MDM4: variants seen among roughly 807,000 people sequenced by gnomAD.
The protein encoded by MDM4 is protein Mdm4.
MDM4 carries 2 observed loss-of-function variants against 60.2 expected under a neutral mutation model. That is an observed-to-expected ratio of 0.03 (90% CI 0.01 to 0.10). The LOEUF (loss-of-function observed/expected upper bound fraction) is 0.10, where lower values mean the gene tolerates loss of function less well. Among genes scored for constraint, MDM4 ranks in the 10% least tolerant of loss-of-function variants. The pLI, the probability that MDM4 is intolerant of heterozygous loss-of-function variation, is 1.00. For synonymous variants in MDM4, 202 were observed against 198.1 expected (o/e 1.02, Z -0.17); for missense variants, 447 against 577.5 (o/e 0.77, Z 2.32).
chr1:204,536,902 T>A, intron 5 of MDM4: 1 of 391,152 alleles, frequency 2.6e-6, no homozygotes, highest in Non-Finnish European at 4.9e-6. Context: ...ACCATAAAAT[T>A]ATCCTTGACA....
In MDM4 at chr1:204,556,133, A is replaced by G. The variant is rs542913242; in HGVS notation, c.*6451A>G. 1.7e-4 allele frequency: 37 copies of G among 223,610 alleles called. No homozygotes were observed. The highest frequency in any genetic ancestry group is 8.2e-4 in the African/African-American group (37 of 44,902). The allele number at this position is 223,610 out of a possible 1,614,324, so 13.9% of individuals were successfully genotyped here. On this transcript the variant is annotated 3_prime_UTR_variant, in exon 11 of 11. Coordinates refer to ENST00000367182, the MANE Select transcript of MDM4 (RefSeq NM_002393.5). ...CCCTTCCACCTTTACTGTGTCATTT[A>G]TATCCCCTTAGTTCCAAAGTTAATT... is the stretch of plus-strand genomic sequence containing the variant.
At chr1:204,543,411 CCTT>C (rs1327477102) in intron 8 of MDM4, among the ~76,000 whole-genome samples, 2 of 152,212 alleles carry the variant, frequency 1.3e-5, no homozygotes, top group African/African-American at 4.8e-5. Flanking sequence ...TCAGCCCCCT[CCTT>C]CCTCACTTCC....
At chr1:204,522,990 G>A (rs1288328776) in intron 1 of MDM4, among the ~76,000 whole-genome samples, 1 of 151,526 alleles carries the variant, frequency 6.6e-6, no homozygotes, top group Non-Finnish European at 1.5e-5. Flanking sequence ...AGCCTCCTGA[G>A]TAGCTGGGAT....
chr1:204,520,369 CTGCTT>C (rs1412495019), intron 1 of MDM4, among the ~76,000 whole-genome samples: 1 of 104,124 alleles, frequency 9.6e-6, no homozygotes, highest in Non-Finnish European at 2.2e-5. Context: ...TGCAACATCC[CTGCTT>C]TTTTTTTTTT....
Position 204,556,989 on chromosome 1 carries a change from G to A in MDM4, c.*7307G>A, listed in dbSNP as rs995586762. 4.8e-6 allele frequency: 1 copy of A among 207,004 alleles called. No individual in the cohort carries two copies. Among genetic ancestry groups the A allele is most frequent in the Non-Finnish European group, 9.8e-6 (1 of 101,542 alleles). 12.8% of individuals were successfully genotyped at this position (207,004 alleles called of 1,614,324 possible). A position where few individuals can be genotyped will look rare whatever the true frequency, so the allele number is the denominator to read the frequency against. Reference sequence around the variant, plus strand: ...TTAAGTATTGAGTGCCAGTCTTGACGTCCGTATGCCTCAGTTTTTCTCATA... The same window carrying A: ...TTAAGTATTGAGTGCCAGTCTTGACATCCGTATGCCTCAGTTTTTCTCATA... On this transcript the variant is annotated 3_prime_UTR_variant, in exon 11 of 11. Coordinates refer to ENST00000367182, the MANE Select transcript of MDM4 (RefSeq NM_002393.5).
intron 1 of MDM4, among the ~76,000 whole-genome samples, chr1:204,517,548 T>C (rs2102271693): frequency 6.6e-6 from 1 of 151,954 alleles, no homozygotes; most frequent in East Asian, 2.0e-4. Context: ...GGATTACAGG[T>C]GTGCGCCACC....
At position 204,553,586 on chromosome 1, in the gene MDM4, A is replaced by C. The variant is rs1331132587; in HGVS notation, c.*3904A>C. ...ACGTGCTGTAGACTATGAATAATGA[A>C]ATCACACCACATTACCATCAGATTT... On this transcript the variant is annotated 3_prime_UTR_variant, in exon 11 of 11. Coordinates refer to ENST00000367182, the MANE Select transcript of MDM4 (RefSeq NM_002393.5). The C allele has an allele frequency of 4.4e-6, 1 of 228,440 alleles. No individual in the cohort carries two copies. The highest frequency in any genetic ancestry group is 5.7e-5 in the Admixed American group (1 of 17,634). The allele number at this position is 228,440 out of a possible 1,614,324, so 14.2% of individuals were successfully genotyped here.
intron 7 of MDM4, among the ~76,000 whole-genome samples, chr1:204,539,917 C>G (rs1661858082): frequency 2.0e-5 from 3 of 152,080 alleles, no homozygotes; most frequent in Non-Finnish European, 4.4e-5. Flanking sequence ...AACTTAGTTT[C>G]ATGCACGGAA....
intron 4 of MDM4, among the ~76,000 whole-genome samples, chr1:204,531,833 C>CA (rs111931550): frequency 7.2e-4 from 104 of 144,434 alleles, no homozygotes; most frequent in Middle Eastern, 3.5e-3. Context: ...ACTCCGTCTC[C>CA]AAAAAAAAAA....
intron 1 of MDM4, among the ~76,000 whole-genome samples, chr1:204,522,403 T>A (rs1572449089): frequency 5.2e-5 from 1 of 19,412 alleles, no homozygotes; most frequent in African/African-American, 1.1e-4. Flanking sequence ...AGGTTTTAAA[T>A]TTTTTTTTTT....
chr1:204,519,681 G>T (rs939614598), intron 1 of MDM4, among the ~76,000 whole-genome samples: 1 of 152,052 alleles, frequency 6.6e-6, no homozygotes, highest in Non-Finnish European at 1.5e-5. Flanking sequence ...GGATTAGGTG[G>T]TACACGCCTG....
In MDM4 at chr1:204,551,188, G is replaced by A. The variant is rs186307880; in HGVS notation, c.*1506G>A. ...CTCCCAAGTAGCTGGGTCTATAGGCGCGTGCCACCACCATGCCCAGCTGAA... is the reference window on the plus strand; with the variant it reads ...CTCCCAAGTAGCTGGGTCTATAGGCACGTGCCACCACCATGCCCAGCTGAA... On this transcript the variant is annotated 3_prime_UTR_variant, in exon 11 of 11. Transcript: ENST00000367182. 1.7e-3 allele frequency: 337 copies of A among 197,438 alleles called. No homozygotes were observed. Among genetic ancestry groups the A allele is most frequent in the Non-Finnish European group, 3.0e-3 (282 of 95,580 alleles). 12.2% of individuals were successfully genotyped at this position (197,438 alleles called of 1,614,324 possible).
chr1:204,540,020 G>A (rs999020355), intron 7 of MDM4, among the ~76,000 whole-genome samples: 2 of 151,666 alleles, frequency 1.3e-5, no homozygotes, highest in African/African-American at 2.4e-5. Context: ...GGTGGCTCAC[G>A]CCTGTAATCC....
chr1:204,527,998 A>G (rs1418050475), intron 3 of MDM4, among the ~76,000 whole-genome samples: 2 of 151,980 alleles, frequency 1.3e-5, no homozygotes, highest in Non-Finnish European at 2.9e-5. Flanking sequence ...TTACGATTTT[A>G]AATTAAGCAC....
At chr1:204,530,657 CA>C in intron 3 of MDM4, 26 bp from the exon 4 acceptor site, 1 of 1,613,810 alleles carries the variant, frequency 6.2e-7, no homozygotes, top group Non-Finnish European at 8.5e-7. Flanking sequence ...CTGGACAGAT[CA>C]CAACATGGTA....
At chr1:204,517,041 G>C (rs1659048296) in intron 1 of MDM4, among the ~76,000 whole-genome samples, 1 of 152,058 alleles carries the variant, frequency 6.6e-6, no homozygotes, top group Admixed American at 6.6e-5. Context: ...AGGAGTTCGA[G>C]ACCAACCTGG....
Position 204,553,628 on chromosome 1 carries a change from A to C in MDM4, c.*3946A>C, listed in dbSNP as rs1009152110. 1 of 227,936 alleles carries C rather than the reference A, an allele frequency of 4.4e-6. No individual in the cohort carries two copies. The highest frequency in any genetic ancestry group is 2.2e-5 in the African/African-American group (1 of 45,102). The allele number at this position is 227,936 out of a possible 1,614,324, so 14.1% of individuals were successfully genotyped here. A position where few individuals can be genotyped will look rare whatever the true frequency, so the allele number is the denominator to read the frequency against. ...ATCAGATTTCTTGTTTTAGTTGTCA[A>C]ATTAATATTTATGATTGTTATCTTG... On this transcript the variant is annotated 3_prime_UTR_variant, in exon 11 of 11. Coordinates refer to ENST00000367182, the MANE Select transcript of MDM4 (RefSeq NM_002393.5).
Position 204,553,767 on chromosome 1 carries a change from C to T in MDM4, c.*4085C>T, listed in dbSNP as rs937709882. On this transcript the variant is annotated 3_prime_UTR_variant, in exon 11 of 11. Transcript: ENST00000367182. ...AACTCACTCTCCTTCCAGTGTACTT[C>T]ACAGTAATTGGTATGCTTTTTTATT... is the stretch of plus-strand genomic sequence containing the variant. 3 of 223,624 alleles carry T rather than the reference C, an allele frequency of 1.3e-5. No individual in the cohort carries two copies. The highest frequency in any genetic ancestry group is 6.7e-5 in the African/African-American group (3 of 44,882). 13.9% of individuals were successfully genotyped at this position (223,624 alleles called of 1,614,324 possible).
intron 3 of MDM4, among the ~76,000 whole-genome samples, chr1:204,527,147 T>C (rs936455951): frequency 8.1e-6 from 1 of 124,014 alleles, no homozygotes; most frequent in African/African-American, 2.7e-5. Flanking sequence ...AAAAAAAAAA[T>C]ACAAAAATTG....
Sources: gnomAD v4.1 joint callset for allele counts (sites outside exome capture counted in the v4.1 genomes callset) on GRCh38, gnomAD v4.1.1 for gene constraint, MANE v1.5 for transcripts, NCBI Gene and HGNC (gene_info 2026-07-23, HGNC 2026-07-21) for gene names.